Variants in SNTG1 observed in about 807,000 individuals in gnomAD.
The protein encoded by SNTG1 is gamma-1-syntrophin.
Under a neutral mutation model 74.7 loss-of-function variants are expected in SNTG1, and 39 were observed. That is an observed-to-expected ratio of 0.52 (90% CI 0.40 to 0.68). The LOEUF (loss-of-function observed/expected upper bound fraction) is 0.68, where lower values mean the gene tolerates loss of function less well. Among genes scored for constraint, SNTG1 ranks in the 30% least tolerant of loss-of-function variants. The pLI is 0.00. For synonymous variants in SNTG1, 254 were observed against 217.1 expected (o/e 1.17, Z -1.49); for missense variants, 685 against 609.5 (o/e 1.12, Z -1.30).
chr8:50,243,511 T>C (rs1399835683), intron 2 of SNTG1, among the ~76,000 whole-genome samples: 1 of 152,142 alleles, frequency 6.6e-6, no homozygotes, highest in East Asian at 1.9e-4. Flanking sequence ...AATGCAAATG[T>C]CTGTTTGCTG....
chr8:50,375,210 A>T, intron 2 of SNTG1, among the ~76,000 whole-genome samples: 1 of 152,030 alleles, frequency 6.6e-6, no homozygotes, highest in East Asian at 1.9e-4. Flanking sequence ...TGCATTACTG[A>T]CTTTTGTGGA....
chr8:50,630,333 C>T (rs573665250), intron 13 of SNTG1, among the ~76,000 whole-genome samples: 6 of 152,228 alleles, frequency 3.9e-5, no homozygotes, highest in African/African-American at 1.4e-4. Flanking sequence ...AAATAGAATG[C>T]AGCAATCATA....
chr8:50,716,961 C>G (rs1258737387), intron 17 of SNTG1, among the ~76,000 whole-genome samples: 1 of 152,066 alleles, frequency 6.6e-6, no homozygotes, highest in African/African-American at 2.4e-5. Flanking sequence ...TGGACTCGAT[C>G]TCCTGACCTC....
intron 15 of SNTG1, among the ~76,000 whole-genome samples, chr8:50,668,606 T>C (rs1420236801): frequency 1.3e-5 from 2 of 151,704 alleles, no homozygotes. Flanking sequence ...TGTACCATGG[T>C]GATTTCCTGC....
chr8:50,320,832 A>G (rs1225036542), intron 2 of SNTG1, among the ~76,000 whole-genome samples: 1 of 151,938 alleles, frequency 6.6e-6, no homozygotes, highest in Admixed American at 6.6e-5. Flanking sequence ...CCAAAATTCT[A>G]CTTGTTACTT....
chr8:50,639,312 G>A (rs1306983989), intron 13 of SNTG1, among the ~76,000 whole-genome samples: 3 of 150,850 alleles, frequency 2.0e-5, no homozygotes, highest in African/African-American at 7.3e-5. Context: ...AGGAAATTGT[G>A]ACTAATGCCT....
At chr8:50,145,519 T>G (rs934410276) in intron 1 of SNTG1, among the ~76,000 whole-genome samples, 2 of 152,186 alleles carry the variant, frequency 1.3e-5, no homozygotes, top group Non-Finnish European at 2.9e-5. Flanking sequence ...ATGTGAATTT[T>G]GGGCCCTTTT....
At chr8:50,550,225 C>T (rs1206888857) in intron 11 of SNTG1, among the ~76,000 whole-genome samples, 1 of 152,176 alleles carries the variant, frequency 6.6e-6, no homozygotes, top group Non-Finnish European at 1.5e-5. Flanking sequence ...TCCTTGCAGA[C>T]TTTAAGCCCA....
intron 15 of SNTG1, among the ~76,000 whole-genome samples, chr8:50,682,137 G>T (rs1006900064): frequency 6.6e-6 from 1 of 152,142 alleles, no homozygotes; most frequent in Non-Finnish European, 1.5e-5. Flanking sequence ...TACTTCTATA[G>T]AAGGGTGTGA....
chr8:50,471,619 A>C (rs2093655084), intron 8 of SNTG1, among the ~76,000 whole-genome samples: 1 of 152,250 alleles, frequency 6.6e-6, no homozygotes, highest in Admixed American at 6.5e-5. Context: ...CTAAGTATTT[A>C]TCCAAGATAA....
intron 8 of SNTG1, among the ~76,000 whole-genome samples, chr8:50,476,073 A>C (rs2093695155): frequency 6.6e-6 from 1 of 152,140 alleles, no homozygotes; most frequent in African/African-American, 2.4e-5. Context: ...CCCACCCGTT[A>C]GACACTTAGT....
intron 1 of SNTG1, among the ~76,000 whole-genome samples, chr8:50,145,829 GAAT>G: frequency 6.6e-6 from 1 of 151,472 alleles, no homozygotes; most frequent in Middle Eastern, 3.2e-3. Flanking sequence ...ATATATTTTT[GAAT>G]AATTAGATAT....
chr8:50,659,165 C>G (rs1311147772), intron 15 of SNTG1, among the ~76,000 whole-genome samples: 1 of 152,124 alleles, frequency 6.6e-6, no homozygotes, highest in Admixed American at 6.6e-5. Flanking sequence ...TGTAAAAGAA[C>G]ATTCGATTGT....
intron 1 of SNTG1, among the ~76,000 whole-genome samples, chr8:50,149,242 GT>G (rs964886911): frequency 6.6e-6 from 1 of 152,076 alleles, no homozygotes; most frequent in Admixed American, 6.6e-5. Flanking sequence ...GGGGTTGTTT[GT>G]TTTTTTCTCG....
At chr8:49,938,603 T>TTTTCTTTTTTTTTTTTTCTTTC in intron 1 of SNTG1, among the ~76,000 whole-genome samples, 1 of 74,752 alleles carries the variant, frequency 1.3e-5, no homozygotes. Flanking sequence ...TTTTCTTTTC[T>TTTTCTTTTTTTTTTTTTCTTTC]TTTCTTTCTT....
chr8:50,752,686 A>G (rs947277459), intron 18 of SNTG1, among the ~76,000 whole-genome samples: 1 of 151,974 alleles, frequency 6.6e-6, no homozygotes, highest in African/African-American at 2.4e-5. Flanking sequence ...ATGAATTAAC[A>G]TTACCATATT....
rs185749057 is a variant in SNTG1 at position 49,925,275 on chromosome 8, A to T, written c.-103+13044A>T. Among the ~76,000 whole-genome samples the T allele has an allele frequency of 1.9e-4, 29 of 152,366 alleles. No individual in the cohort carries two copies. The East Asian group carries it at 5.6e-3, about 29-fold the overall frequency. ...ATTATAAACTGAAAGAAGGTTGCAG[A>T]CATAAATTTCTCATGAAAACTTCTC... On this transcript the variant is annotated intron_variant, in intron 1 of 18. Transcript: ENST00000642720.
chr8:50,151,808 C>T lies in SNTG1; in HGVS notation c.-102-20753C>T, dbSNP rs190379456. On this transcript the variant is annotated intron_variant, in intron 1 of 18. Coordinates refer to ENST00000642720, the MANE Select transcript of SNTG1 (RefSeq NM_018967.5). ...TGTAATTTCTGTTCTTTTACATTTG[C>T]TAAGGAGTGCTTTACTTCCAACTAT... Among the ~76,000 whole-genome samples, 14 of 152,282 alleles carry T rather than the reference C, an allele frequency of 9.2e-5. No homozygotes were observed. In the East Asian group the frequency reaches 2.5e-3, roughly 27 times the overall value.
intron 2 of SNTG1, among the ~76,000 whole-genome samples, chr8:50,348,333 C>T (rs2091544666): frequency 6.6e-6 from 1 of 152,186 alleles, no homozygotes; most frequent in African/African-American, 2.4e-5. Flanking sequence ...GGATGCTCCT[C>T]ATCCCATCTC....
Sources: allele counts gnomAD v4.1 joint callset (sites outside exome capture counted in the v4.1 genomes callset), GRCh38; gene constraint gnomAD v4.1.1; transcripts MANE v1.5; gene names NCBI Gene and HGNC (gene_info 2026-07-23, HGNC 2026-07-21).